PEX3: variants seen among roughly 807,000 people sequenced by gnomAD.
PEX3 encodes the protein peroxin-3.
In PEX3, 30 loss-of-function variants were observed where a neutral mutation model predicts 55.8. The observed-to-expected ratio is 0.54, with a 90% CI of 0.40 to 0.73. The LOEUF (loss-of-function observed/expected upper bound fraction) is 0.73. Ranked by LOEUF, PEX3 falls within the 30% of genes least tolerant of loss-of-function variation. The probability of loss-of-function intolerance (pLI) is 0.00; values close to 1 mark genes in which losing one functional copy is unlikely to be tolerated. For synonymous variants in PEX3, 135 were observed against 148.4 expected (o/e 0.91, Z 0.66); for missense variants, 351 against 432.8 (o/e 0.81, Z 1.68).
rs1201261427 is a variant in PEX3, at chr6:143,471,754, T to C, written c.578+143T>C. The C allele has an allele frequency of 2.9e-6, 2 of 700,444 alleles. No individual in the cohort carries two copies. The highest frequency in any genetic ancestry group is 4.5e-5 in the Admixed American group (2 of 44,034). 43.4% of individuals were successfully genotyped at this position (700,444 alleles called of 1,614,324 possible). A position where few individuals can be genotyped will look rare whatever the true frequency, so the allele number is the denominator to read the frequency against. On this transcript the variant is annotated intron_variant, in intron 7 of 11. Transcript: ENST00000367591. This position sits in a 1 kb window ranked among gnomAD's most constrained non-coding sequence, Gnocchi z 5.4. ...TAAAATCAGATACCATCCTAGGATA[T>C]TGCATTGTGGGATCCATTTTCTTTA...
At chr6:143,477,222 G>A (rs749554590) in intron 9 of PEX3, among the ~76,000 whole-genome samples, 1 of 152,130 alleles carries the variant, frequency 6.6e-6, no homozygotes, top group Non-Finnish European at 1.5e-5. Context: ...GAGATTCTGA[G>A]AAATAGACAG....
rs1779757324 is a variant in PEX3, at chr6:143,451,230, G to A, written c.73+115G>A. On this transcript the variant is annotated intron_variant, in intron 1 of 11. Coordinates refer to ENST00000367591, the MANE Select transcript of PEX3 (RefSeq NM_003630.3). This position sits in a 1 kb window ranked among gnomAD's most constrained non-coding sequence, Gnocchi z 4.1. The stretch of plus-strand genomic sequence containing the variant: ...AGTCTGGGATATGTAGAGGGAGTTC[G>A]ATCAACCATGGGATGAAAAGGGAGG... The A allele has an allele frequency of 2.5e-6, 2 of 809,742 alleles. No individual in the cohort carries two copies. Among genetic ancestry groups the A allele is most frequent in the East Asian group, 4.9e-5 (2 of 40,942 alleles). 50.2% of individuals were successfully genotyped at this position (809,742 alleles called of 1,614,324 possible).
intron 4 of PEX3, among the ~76,000 whole-genome samples, chr6:143,469,484 G>C (rs1780040933): frequency 6.6e-6 from 1 of 152,204 alleles, no homozygotes; most frequent in African/African-American, 2.4e-5. Context: ...CTTTTGAGAA[G>C]TGTCTGTTCA....
chr6:143,452,438 T>G (rs1779787246), intron 1 of PEX3, among the ~76,000 whole-genome samples: 1 of 152,192 alleles, frequency 6.6e-6, no homozygotes, highest in Non-Finnish European at 1.5e-5. Context: ...AAATAAAGTA[T>G]TTTTGCGTTT....
In PEX3 at chr6:143,487,465, A is replaced by G. The variant is rs895604186; in HGVS notation, c.1039-1678A>G. Among the ~76,000 whole-genome samples the G allele has an allele frequency of 6.6e-6, 1 of 152,136 alleles. No homozygotes were observed. Among genetic ancestry groups the G allele is most frequent in the Non-Finnish European group, 1.5e-5 (1 of 68,002 alleles). On this transcript the variant is annotated intron_variant, in intron 11 of 11. Transcript: ENST00000367591. This position sits in a 1 kb window ranked among gnomAD's most constrained non-coding sequence, Gnocchi z 5.3. ...CTCACATACATATGTACACACATAT[A>G]CCACAGTCCTCCAGTGTTTAAATCA...
chr6:143,458,632 A>G lies in PEX3; in HGVS notation c.74-453A>G, dbSNP rs1044274119. Among the ~76,000 whole-genome samples the G allele has an allele frequency of 6.6e-6, 1 of 152,218 alleles. No individual in the cohort carries two copies. Among genetic ancestry groups the G allele is most frequent in the Admixed American group, 6.5e-5 (1 of 15,284 alleles). On this transcript the variant is annotated intron_variant, in intron 1 of 11. Coordinates refer to ENST00000367591, the MANE Select transcript of PEX3 (RefSeq NM_003630.3). This position sits in a 1 kb window ranked among gnomAD's most constrained non-coding sequence, Gnocchi z 6.1. ...TCACCTATTTTTTGTATCTGTTTCC[A>G]TTAAAAAAAGTAACATTTCTGGGAT...
rs1011907815 is a variant in PEX3 at position 143,483,622 on chromosome 6, A to G, written c.942-1530A>G. ...ATGGCTGTCATCTGAGAACACTGGA[A>G]GGCTGCTGGAGAGTTTTGAGCAGGA... On this transcript the variant is annotated intron_variant, in intron 10 of 11. Transcript: ENST00000367591. This position sits in a 1 kb window ranked among gnomAD's most constrained non-coding sequence, Gnocchi z 4.3. Among the ~76,000 whole-genome samples the G allele has an allele frequency of 2.6e-4, 39 of 152,182 alleles. No individual in the cohort carries two copies. The highest frequency in any genetic ancestry group is 2.2e-4 in the Non-Finnish European group (15 of 68,016).
rs768737661 is a variant in PEX3 at position 143,474,865 on chromosome 6, A to G, written c.818+9A>G. 1 of 1,466,516 alleles carries G rather than the reference A, an allele frequency of 6.8e-7. No individual in the cohort carries two copies. Among genetic ancestry groups the G allele is most frequent in the Non-Finnish European group, 9.6e-7 (1 of 1,045,916 alleles). 90.8% of individuals were successfully genotyped at this position (1,466,516 alleles called of 1,614,324 possible). A position where few individuals can be genotyped will look rare whatever the true frequency, so the allele number is the denominator to read the frequency against. ...AGAGACATGTTGGAAAGGTATGTAT[A>G]CTTCATGTAGCAGGAAAAATATGTG... is the stretch of plus-strand genomic sequence containing the variant. On this transcript the variant is annotated intron_variant, in intron 9 of 11. Transcript: ENST00000367591.
At position 143,488,429 on chromosome 6, in the gene PEX3, GCTT is replaced by G. The variant is rs1399983288; in HGVS notation, c.1039-710_1039-708del. On this transcript the variant is annotated intron_variant, in intron 11 of 11. Coordinates refer to ENST00000367591, the MANE Select transcript of PEX3 (RefSeq NM_003630.3). The surrounding 1 kb of genome is among the most constrained non-coding windows in gnomAD (Gnocchi z 4.9). Reference sequence around the variant, plus strand: ...ATTAAGTGTATGATATAGCGGTATTGCTTCTTTATTCATGCATTAAATACCAAG... The same window carrying G: ...ATTAAGTGTATGATATAGCGGTATTGCTTTATTCATGCATTAAATACCAAG... 6.6e-6 allele frequency among the ~76,000 whole-genome samples: 1 copy of G among 151,978 alleles called. No individual in the cohort carries two copies. The highest frequency in any genetic ancestry group is 1.5e-5 in the Non-Finnish European group (1 of 67,942).
At chr6:143,481,305 A>G (rs1780238689) in intron 10 of PEX3, among the ~76,000 whole-genome samples, 2 of 151,946 alleles carry the variant, frequency 1.3e-5, no homozygotes, top group African/African-American at 4.8e-5. Context: ...AATAGCAGCT[A>G]ATACTTTTTC....
At chr6:143,472,765 CAAAG>C (rs1005498811) in intron 8 of PEX3, among the ~76,000 whole-genome samples, 7 of 152,158 alleles carry the variant, frequency 4.6e-5, no homozygotes, top group South Asian at 2.1e-4. Flanking sequence ...AATTTGTAGA[CAAAG>C]AAAGGTAGAT....
At chr6:143,470,496 C>A (rs1158539444) in intron 4 of PEX3, among the ~76,000 whole-genome samples, 1 of 152,212 alleles carries the variant, frequency 6.6e-6, no homozygotes, top group East Asian at 1.9e-4. Context: ...CTGTCCTAAG[C>A]TACTGGGAGG....
Position 143,451,807 on chromosome 6 carries a change from A to G in PEX3, c.73+692A>G, listed in dbSNP as rs141694610. Among the ~76,000 whole-genome samples, 1,113 of 152,354 alleles carry G rather than the reference A, an allele frequency of 7.3e-3. 5 individuals are homozygous for G. The highest frequency in any genetic ancestry group is 0.012 in the Non-Finnish European group (834 of 68,036). ...AGGCCCAGAGGAGATTTAGAAACAG[A>G]TAAGATAAAAATCTTGAGACGCTTT... is the stretch of plus-strand genomic sequence containing the variant. On this transcript the variant is annotated intron_variant, in intron 1 of 11. Coordinates refer to ENST00000367591, the MANE Select transcript of PEX3 (RefSeq NM_003630.3). The surrounding 1 kb of genome is among the most constrained non-coding windows in gnomAD (Gnocchi z 4.1).
chr6:143,470,947 T>G lies in PEX3; in HGVS notation c.332-14T>G. 6.2e-7 allele frequency: 1 copy of G among 1,611,098 alleles called. No homozygotes were observed. Among genetic ancestry groups the G allele is most frequent in the African/African-American group, 1.3e-5 (1 of 74,938 alleles). On this transcript the variant is annotated splice_polypyrimidine_tract_variant and intron_variant, in intron 4 of 11. Coordinates refer to ENST00000367591, the MANE Select transcript of PEX3 (RefSeq NM_003630.3). Reference sequence around the variant, plus strand: ...TTAATCACAGTACCAAATGCTTTTCTTTTCTCTGTGAAGGTTTCACAAGAA... The same window carrying G: ...TTAATCACAGTACCAAATGCTTTTCGTTTCTCTGTGAAGGTTTCACAAGAA...
At chr6:143,456,688 T>C (rs753995449) in intron 1 of PEX3, among the ~76,000 whole-genome samples, 5 of 152,206 alleles carry the variant, frequency 3.3e-5, no homozygotes, top group Non-Finnish European at 5.9e-5. Flanking sequence ...ACAAGTCTTA[T>C]TGAATTAGGA....
chr6:143,483,516 T>C lies in PEX3; in HGVS notation c.942-1636T>C, dbSNP rs897966520. Reference sequence around the variant, plus strand: ...AGCCACCTAAGTACATTTTAAGACTTATAAAGAGGCTGGCATGGTAGCTGA... The same window carrying C: ...AGCCACCTAAGTACATTTTAAGACTCATAAAGAGGCTGGCATGGTAGCTGA... On this transcript the variant is annotated intron_variant, in intron 10 of 11. Coordinates refer to ENST00000367591, the MANE Select transcript of PEX3 (RefSeq NM_003630.3). The surrounding 1 kb of genome is among the most constrained non-coding windows in gnomAD (Gnocchi z 4.3). Among the ~76,000 whole-genome samples the C allele has an allele frequency of 1.3e-5, 2 of 152,094 alleles. No homozygotes were observed. Among genetic ancestry groups the C allele is most frequent in the African/African-American group, 2.4e-5 (1 of 41,426 alleles).
intron 1 of PEX3, among the ~76,000 whole-genome samples, chr6:143,455,345 A>G (rs1466066040): frequency 7.4e-6 from 1 of 134,618 alleles, no homozygotes; most frequent in Non-Finnish European, 1.6e-5. Flanking sequence ...GGCGCCCGCC[A>G]CCACGCCCGG....
chr6:143,459,202 C>T lies in PEX3; in HGVS notation c.191C>T (p.Thr64Ile). The change falls in exon 2 of 12, where the codon ACT becomes ATT. Residue 64 changes from threonine to isoleucine, a missense_variant. Transcript: ENST00000367591. The surrounding 1 kb of genome is among the most constrained non-coding windows in gnomAD (Gnocchi z 4.2). ...TATCATTTTGAAAGTAACCAGAGGA[C>T]TTGCAATATGACAGGTAAGACAGAG... ...RQYHFESNQRTCNMTVLSMLP... is the reference protein window; with the variant it reads ...RQYHFESNQRICNMTVLSMLP... 6.2e-7 allele frequency: 1 copy of T among 1,612,636 alleles called. No individual in the cohort carries two copies. Among genetic ancestry groups the T allele is most frequent in the Non-Finnish European group, 8.5e-7 (1 of 1,178,896 alleles).
Position 143,451,278 on chromosome 6 carries a change from C to T in PEX3, c.73+163C>T, listed in dbSNP as rs1251573326. Among the ~76,000 whole-genome samples, 1 of 152,158 alleles carries T rather than the reference C, an allele frequency of 6.6e-6. No homozygotes were observed. Among genetic ancestry groups the T allele is most frequent in the Admixed American group, 6.5e-5 (1 of 15,280 alleles). ...AGGTGGCCAACCTCCAGGGTTCTCC[C>T]ATCTCTGCAGTTGAGAAATGCCTCT... On this transcript the variant is annotated intron_variant, in intron 1 of 11. Transcript: ENST00000367591. This position sits in a 1 kb window ranked among gnomAD's most constrained non-coding sequence, Gnocchi z 4.1.
Sources: gnomAD v4.1 joint callset for allele counts (sites outside exome capture counted in the v4.1 genomes callset) on GRCh38, gnomAD v4.1.1 for gene constraint, Gnocchi (gnomAD v3.1) non-coding constraint, MANE v1.5 for transcripts, NCBI Gene and HGNC (gene_info 2026-07-23, HGNC 2026-07-21) for gene names.